Variants in HARBI1 observed in about 807,000 individuals in gnomAD.
HARBI1 encodes the protein putative nuclease HARBI1.
HARBI1 carries 15 observed loss-of-function variants against 25.3 expected under a neutral mutation model. The ratio of observed to expected loss-of-function variants is 0.59; its 90% CI spans 0.40 to 0.91. HARBI1 has a LOEUF of 0.91. HARBI1 is among the 40% of genes least tolerant of loss of function. The probability of loss-of-function intolerance (pLI) is 0.00; values close to 1 mark genes in which losing one functional copy is unlikely to be tolerated. For synonymous variants in HARBI1, 168 were observed against 160.5 expected (o/e 1.05, Z -0.35); for missense variants, 396 against 445.8 (o/e 0.89, Z 1.01).
At chr11:46,604,150 G>A in intron 2 of HARBI1, 6 of 985,328 alleles carry the variant, frequency 6.1e-6, no homozygotes, top group Non-Finnish European at 7.2e-6. Context: ...TAAAAACGCT[G>A]GCACCTAAAG....
chr11:46,605,693 T>C (rs181645814), intron 2 of HARBI1, among the ~76,000 whole-genome samples: 36 of 148,752 alleles, frequency 2.4e-4, no homozygotes, highest in Admixed American at 2.4e-3. Flanking sequence ...GTTTAAGCAA[T>C]TCTCCTGTCT....
upstream of HARBI1, chr11:46,617,681 G>C: frequency 2.5e-6 from 1 of 396,340 alleles, no homozygotes; most frequent in Non-Finnish European, 4.4e-6. Context: ...CAGTCGACGT[G>C]GGTGCGACAA....
chr11:46,615,900 T>A lies in HARBI1; in HGVS notation c.338A>T (p.Glu113Val), dbSNP rs1255313574. The A allele has an allele frequency of 6.2e-7, 1 of 1,614,056 alleles. No individual in the cohort carries two copies. Among genetic ancestry groups the A allele is most frequent in the Admixed American group, 1.7e-5 (1 of 59,994 alleles). The change falls in exon 2 of 3, where the codon GAA (glutamate) becomes GTA (valine). Residue 113 changes from glutamate to valine, a missense_variant. Transcript: ENST00000326737. ...AAAGCGAATGAACTGTGAGGCCCTT[T>A]CCACAAGTGCTTCAGTGACATTGGC... ...CVANVTEALVERASQFIRFPA... is the reference protein window; with the variant it reads ...CVANVTEALVVRASQFIRFPA...
intron 2 of HARBI1, among the ~76,000 whole-genome samples, chr11:46,610,591 C>T (rs981933728): frequency 1.3e-5 from 2 of 151,740 alleles, no homozygotes; most frequent in Admixed American, 6.6e-5. Context: ...ACCCGGGAGG[C>T]GGAGCTTGCA....
At chr11:46,614,579 T>TA (rs1330646282) in intron 2 of HARBI1, among the ~76,000 whole-genome samples, 6 of 151,260 alleles carry the variant, frequency 4.0e-5, no homozygotes, top group Non-Finnish European at 7.4e-5. Context: ...CTACACAAAA[T>TA]AAAAAAAATA....
chr11:46,611,201 G>T (rs1217488326), intron 2 of HARBI1, among the ~76,000 whole-genome samples: 2 of 151,614 alleles, frequency 1.3e-5, no homozygotes, highest in Non-Finnish European at 2.9e-5. Flanking sequence ...TAGAGATGAG[G>T]TTTCACTGTG....
Position 46,603,667 on chromosome 11 carries a change from G to A in HARBI1, c.913C>T (p.His305Tyr). The A allele has an allele frequency of 6.2e-7, 1 of 1,614,170 alleles. No homozygotes were observed. The highest frequency in any genetic ancestry group is 8.5e-7 in the Non-Finnish European group (1 of 1,180,034). ...CCVLHNISLEHGMDVWSSPMT... is the reference protein window; with the variant it reads ...CCVLHNISLEYGMDVWSSPMT... ...GGAGAGGACCAAACATCCATCCCATGCTCCAGGGAGATGTTGTGGAGGACA... is the reference window on the plus strand; with the variant it reads ...GGAGAGGACCAAACATCCATCCCATACTCCAGGGAGATGTTGTGGAGGACA... The change falls in exon 3 of 3, where the codon CAT becomes TAT. Residue 305 changes from histidine (H) to tyrosine (Y), a missense_variant. Transcript: ENST00000326737.
At chr11:46,609,839 T>A (rs1011804672) in intron 2 of HARBI1, among the ~76,000 whole-genome samples, 1 of 145,160 alleles carries the variant, frequency 6.9e-6, no homozygotes, top group Non-Finnish European at 1.5e-5. Flanking sequence ...AAAAAATAAA[T>A]AAATAAAAGA....
intron 2 of HARBI1, chr11:46,604,400 C>T (rs2044861881): frequency 2.2e-6 from 2 of 896,684 alleles, no homozygotes; most frequent in South Asian, 1.0e-4. Context: ...CGCGAAACTC[C>T]ATCTCAAATA....
At chr11:46,614,296 G>A (rs1369656416) in intron 2 of HARBI1, among the ~76,000 whole-genome samples, 1 of 151,898 alleles carries the variant, frequency 6.6e-6, no homozygotes, top group African/African-American at 2.4e-5. Context: ...GCATAGTGGC[G>A]CATGCCTATA....
At chr11:46,608,740 C>T (rs1445821082) in intron 2 of HARBI1, among the ~76,000 whole-genome samples, 6 of 151,696 alleles carry the variant, frequency 4.0e-5, no homozygotes, top group East Asian at 1.9e-4. Flanking sequence ...CTCAGCCACT[C>T]GAGTAGCTGG....
Position 46,603,597 on chromosome 11 carries a change from T to C in HARBI1, c.983A>G (p.His328Arg), listed in dbSNP as rs1489483856. The change falls in exon 3 of 3, where the codon CAC (histidine) becomes CGC (arginine). Residue 328 changes from histidine (H) to arginine (R), a missense_variant. Coordinates refer to ENST00000326737, the MANE Select transcript of HARBI1 (RefSeq NM_173811.4). ...AGCCTCTAAGTCCAGGGACTCCATG[T>C]GCTCATACTCCTCTTCCGGGGGCTG... ...MEQPPEEEYE[H>R]MESLDLEADR... is the part of the protein sequence containing the mutation. 1 of 1,613,980 alleles carries C rather than the reference T, an allele frequency of 6.2e-7. No individual in the cohort carries two copies. The highest frequency in any genetic ancestry group is 8.5e-7 in the Non-Finnish European group (1 of 1,179,978).
In HARBI1 at chr11:46,616,340, G is replaced by T. The variant is rs2045461703; in HGVS notation, c.-103C>A. On this transcript the variant is annotated 5_prime_UTR_variant, in exon 2 of 3. In the 5' UTR this introduces an upstream ATG that the reference lacks. Coordinates refer to ENST00000326737, the MANE Select transcript of HARBI1 (RefSeq NM_173811.4). ...TTTAAGAAAGTATCAGAATCCAACA[G>T]CTAACCACAGTTAAATGGCTCTGCC... 6.7e-7 allele frequency: 1 copy of T among 1,495,918 alleles called. No individual in the cohort carries two copies. Among genetic ancestry groups the T allele is most frequent in the Admixed American group, 2.3e-5 (1 of 42,882 alleles). 92.7% of individuals were successfully genotyped at this position (1,495,918 alleles called of 1,614,324 possible). A position where few individuals can be genotyped will look rare whatever the true frequency, so the allele number is the denominator to read the frequency against.
rs148523303 is a variant in HARBI1, at chr11:46,615,847, G to A, written c.391C>T (p.Leu131=). Residue 131 remains leucine (L), a synonymous_variant, in exon 2 of 3, where the codon CTG becomes TTG. Coordinates refer to ENST00000326737, the MANE Select transcript of HARBI1 (RefSeq NM_173811.4). ...GCCAACCCATAGAATTCATCCTTCA[G>A]AGCCTGAATGGAGGCTTCATCAGCT... ...FPADEASIQA[L]KDEFYGLAGM... The A allele has an allele frequency of 6.2e-7, 1 of 1,614,214 alleles. No homozygotes were observed. The highest frequency in any genetic ancestry group is 8.5e-7 in the Non-Finnish European group (1 of 1,180,050).
At chr11:46,606,723 A>G (rs2044967825) in intron 2 of HARBI1, among the ~76,000 whole-genome samples, 1 of 152,056 alleles carries the variant, frequency 6.6e-6, no homozygotes. Context: ...GCTCACTGCA[A>G]CCTCAAACTC....
chr11:46,617,548 C>CG (rs112588575), upstream of HARBI1: 33 of 248,690 alleles, frequency 1.3e-4, 7 homozygotes, highest in Admixed American at 2.4e-4. Flanking sequence ...TCACCCCCCC[C>CG]CCCCGGCCAT....
chr11:46,616,448 G>A, intron 1 of HARBI1, 67 bp from the exon 2 acceptor site: 1 of 1,376,670 alleles, frequency 7.3e-7, no homozygotes, highest in Non-Finnish European at 9.3e-7. Flanking sequence ...AAAGGCTGGA[G>A]CAGCTCCTTT....
At chr11:46,606,890 CT>C (rs1472711368) in intron 2 of HARBI1, among the ~76,000 whole-genome samples, 3 of 152,210 alleles carry the variant, frequency 2.0e-5, no homozygotes, top group Admixed American at 6.5e-5. Flanking sequence ...ATTCCTCCCG[CT>C]TCAGGAGGAA....
chr11:46,617,141 GT>G lies in HARBI1; in HGVS notation c.-163del. The G allele has an allele frequency of 5.6e-6, 2 of 358,720 alleles. No homozygotes were observed. The highest frequency in any genetic ancestry group is 7.8e-6 in the Non-Finnish European group (2 of 257,110). The allele number at this position is 358,720 out of a possible 1,614,324, so 22.2% of individuals were successfully genotyped here. ...TCACCCACCTCTCCGCGGCTGCCAGGTTACCAGCCACACTTCCCACCCACCC... is the reference window on the plus strand; with the variant it reads ...TCACCCACCTCTCCGCGGCTGCCAGGTACCAGCCACACTTCCCACCCACCC... On this transcript the variant is annotated 5_prime_UTR_variant, in exon 1 of 3. Transcript: ENST00000326737.
Sources: allele counts gnomAD v4.1 joint callset (sites outside exome capture counted in the v4.1 genomes callset), GRCh38; gene constraint gnomAD v4.1.1; transcripts MANE v1.5; gene names NCBI Gene and HGNC (gene_info 2026-07-23, HGNC 2026-07-21).